Variants in HERC2 observed in about 807,000 individuals in gnomAD.
HERC2 encodes HECT and RLD domain containing E3 ubiquitin protein ligase 2.
Under a neutral mutation model 537.7 loss-of-function variants are expected in HERC2, and 102 were observed. The ratio of observed to expected loss-of-function variants is 0.19; its 90% CI spans 0.16 to 0.22. The LOEUF (loss-of-function observed/expected upper bound fraction) is 0.22. HERC2 is among the 10% of genes least tolerant of loss of function. The pLI, the probability that HERC2 is intolerant of heterozygous loss-of-function variation, is 1.00. For missense variants in HERC2, 4,236 were observed against 6,198.2 expected (o/e 0.68, Z 10.63); for synonymous variants, 2,224 against 2,466.2 (o/e 0.90, Z 2.91).
intron 35 of HERC2, 74 bp downstream of exon 35, chr15:28,228,144 A>G (rs75579680): frequency 1.6e-6 from 2 of 1,238,336 alleles, no homozygotes; most frequent in Admixed American, 2.5e-5. Flanking sequence ...AAAAAAAAAA[A>G]GAAAAGAAAA....
chr15:28,210,345 G>A (rs1899044214), intron 44 of HERC2, among the ~76,000 whole-genome samples: 1 of 152,140 alleles, frequency 6.6e-6, no homozygotes, highest in South Asian at 2.1e-4. Context: ...ATGTTAGCCA[G>A]GATGGTCTCT....
At chr15:28,125,307 T>C in intron 83 of HERC2, 114 bp from the exon 84 acceptor site, 1 of 835,002 alleles carries the variant, frequency 1.2e-6, no homozygotes, top group South Asian at 1.5e-5. Context: ...CAGCTGGTGT[T>C]GACCTAGTTG....
chr15:28,136,754 T>G (rs6497281), intron 78 of HERC2, among the ~76,000 whole-genome samples: 1 of 151,976 alleles, frequency 6.6e-6, no homozygotes, highest in Non-Finnish European at 1.5e-5. Flanking sequence ...CAACAGAGAC[T>G]ATATGGCCCA....
At position 28,284,823 on chromosome 15, in the gene HERC2, G is replaced by T. The variant is rs545655310; in HGVS notation, c.323-4536C>A. On this transcript the variant is annotated intron_variant, in intron 4 of 92. Transcript: ENST00000261609. ...CCAGCTACTCAGGAGGCTGAGGCAGGAGAATCACTTGAACCCGGTGGGGTT... is the reference window on the plus strand; with the variant it reads ...CCAGCTACTCAGGAGGCTGAGGCAGTAGAATCACTTGAACCCGGTGGGGTT... Among the ~76,000 whole-genome samples the T allele has an allele frequency of 5.5e-5, 8 of 146,478 alleles. 1 individual carries two copies. Among genetic ancestry groups the T allele is most frequent in the African/African-American group, 2.0e-4 (8 of 39,922 alleles).
intron 86 of HERC2, among the ~76,000 whole-genome samples, chr15:28,120,450 G>T (rs545934454): frequency 2.0e-5 from 3 of 152,196 alleles, no homozygotes; most frequent in Non-Finnish European, 4.4e-5. Context: ...AAGAGGCGAG[G>T]CCAGTTTCAT....
intron 4 of HERC2, among the ~76,000 whole-genome samples, chr15:28,285,872 G>A (rs2076145017): frequency 1.5e-5 from 2 of 137,582 alleles, no homozygotes; most frequent in African/African-American, 5.8e-5. Context: ...TACCAAAAAA[G>A]ATAATTAGGA....
At chr15:28,235,898 T>C (rs1205373441) in intron 26 of HERC2, among the ~76,000 whole-genome samples, 4 of 152,112 alleles carry the variant, frequency 2.6e-5, no homozygotes. Flanking sequence ...CACAACTATA[T>C]GAAAGAAAAT....
intron 23 of HERC2, among the ~76,000 whole-genome samples, chr15:28,240,187 G>A (rs1902924416): frequency 6.6e-6 from 1 of 152,236 alleles, no homozygotes; most frequent in African/African-American, 2.4e-5. Context: ...GGGAGGCCAA[G>A]GTGGGCAGAT....
chr15:28,191,101 T>C (rs539773127), intron 54 of HERC2, 38 bp downstream of exon 54: 150 of 1,590,534 alleles, frequency 9.4e-5, no homozygotes, highest in Middle Eastern at 6.6e-4. Flanking sequence ...GTCTTTATTA[T>C]AGAAGGTACT....
chr15:28,117,347 CT>C (rs1445638486), intron 86 of HERC2, 193 bp from the exon 87 acceptor site: 2 of 708,870 alleles, frequency 2.8e-6, no homozygotes, highest in African/African-American at 3.5e-5. Context: ...CCCGAGACCG[CT>C]GCCTCACCCC....
Position 28,230,370 on chromosome 15 carries a change from G to A in HERC2, c.4806C>T (p.Pro1602=). 1 of 1,582,084 alleles carries A rather than the reference G, an allele frequency of 6.3e-7. No homozygotes were observed. Among genetic ancestry groups the A allele is most frequent in the Non-Finnish European group, 8.6e-7 (1 of 1,167,684 alleles). ...VDKRPIAIKS[P]KDKWQPLLST... ...AGAATCACAGAAAATACTGCACCTT[G>A]GGTGATTTAATTGCAATGGGTCTCT... Residue 1602 remains proline (P), a synonymous_variant, in exon 31 of 93, where the codon CCC becomes CCT. Transcript: ENST00000261609.
chr15:28,167,560 T>C lies in HERC2; in HGVS notation c.10554+127A>G, dbSNP rs539221417. ...ATTCCCACAAACGCTTCGAAGATGCTAACAAGTGGACAGCCGAGGTGAATG... is the reference window on the plus strand; with the variant it reads ...ATTCCCACAAACGCTTCGAAGATGCCAACAAGTGGACAGCCGAGGTGAATG... On this transcript the variant is annotated intron_variant, in intron 68 of 92. Coordinates refer to ENST00000261609, the MANE Select transcript of HERC2 (RefSeq NM_004667.6). The C allele has an allele frequency of 1.2e-5, 14 of 1,139,870 alleles. No homozygotes were observed. The East Asian group carries it at 3.5e-4, about 28-fold the overall frequency. 70.6% of individuals were successfully genotyped at this position (1,139,870 alleles called of 1,614,324 possible).
intron 85 of HERC2, among the ~76,000 whole-genome samples, chr15:28,123,383 G>GC (rs1372168348): frequency 6.6e-6 from 1 of 152,182 alleles, no homozygotes; most frequent in African/African-American, 2.4e-5. Context: ...ATACAGAGAT[G>GC]CCCCTACCGT....
chr15:28,188,890 C>A (rs1231901108), intron 55 of HERC2, among the ~76,000 whole-genome samples: 2 of 152,076 alleles, frequency 1.3e-5, no homozygotes, highest in Non-Finnish European at 2.9e-5. Flanking sequence ...GAGTTCGAGA[C>A]CAGCCTGGCC....
At chr15:28,188,814 C>T (rs778652158) in intron 55 of HERC2, among the ~76,000 whole-genome samples, 3 of 152,066 alleles carry the variant, frequency 2.0e-5, no homozygotes, top group East Asian at 1.9e-4. Flanking sequence ...CGGCTGGGTG[C>T]GGTGCCTCAT....
At chr15:28,225,696 C>CAAAAAAAAAAAAAAAAAAAA (rs35629645) in intron 35 of HERC2, among the ~76,000 whole-genome samples, 3 of 58,812 alleles carry the variant, frequency 5.1e-5, no homozygotes, top group Admixed American at 1.8e-4. Flanking sequence ...GACTCCGTCT[C>CAAAAAAAAAAAAAAAAAAAA]AAAAAAAAAA....
intron 16 of HERC2, among the ~76,000 whole-genome samples, 193 bp from the exon 17 acceptor site, chr15:28,257,454 A>G (rs1477757192): frequency 1.5e-5 from 2 of 135,630 alleles, no homozygotes; most frequent in African/African-American, 7.3e-5. Context: ...CCATTTCACT[A>G]GCCCATCTCA....
chr15:28,262,881 G>A, intron 15 of HERC2, 37 bp downstream of exon 15: 3 of 1,595,980 alleles, frequency 1.9e-6, no homozygotes, highest in South Asian at 1.1e-5. Flanking sequence ...TAAAGAAACT[G>A]TCCTGAAGGG....
chr15:28,253,429 T>A (rs1379292598), intron 20 of HERC2, among the ~76,000 whole-genome samples: 1 of 152,258 alleles, frequency 6.6e-6, no homozygotes, highest in South Asian at 2.1e-4. Context: ...TCCACCTGCT[T>A]ATTAGTAAGA....
Sources: allele counts gnomAD v4.1 joint callset (sites outside exome capture counted in the v4.1 genomes callset), GRCh38; gene constraint gnomAD v4.1.1; transcripts MANE v1.5; gene names NCBI Gene and HGNC (gene_info 2026-07-23, HGNC 2026-07-21).